Variants in DLGAP4 observed in about 807,000 individuals in gnomAD.
DLGAP4 encodes the protein disks large-associated protein 4.
A neutral mutation model predicts 86.9 loss-of-function variants in DLGAP4; 18 were observed. That is an observed-to-expected ratio of 0.21 (90% CI 0.14 to 0.31). The LOEUF is 0.31. Ranked by LOEUF, DLGAP4 falls within the 10% of genes least tolerant of loss-of-function variation. The pLI, the probability that DLGAP4 is intolerant of heterozygous loss-of-function variation, is 1.00. For synonymous variants in DLGAP4, 548 were observed against 574.3 expected (o/e 0.95, Z 0.65); for missense variants, 1,085 against 1,362.6 (o/e 0.80, Z 3.21).
At chr20:36,490,247 G>C (rs541142883) in intron 7 of DLGAP4, among the ~76,000 whole-genome samples, 1 of 152,316 alleles carries the variant, frequency 6.6e-6, no homozygotes, top group African/African-American at 2.4e-5. Flanking sequence ...TGTCAACAGA[G>C]AAGTGGCTTT....
At chr20:36,445,277 G>A (rs939689396) in intron 6 of DLGAP4, among the ~76,000 whole-genome samples, 8 of 152,124 alleles carry the variant, frequency 5.3e-5, no homozygotes, top group Non-Finnish European at 8.8e-5. Context: ...AGGCCGAGGC[G>A]GGCAGATCAC....
chr20:36,440,341 A>G (rs1394529540), intron 5 of DLGAP4, among the ~76,000 whole-genome samples: 1 of 152,134 alleles, frequency 6.6e-6, no homozygotes, highest in African/African-American at 2.4e-5. Context: ...AGCAGAGGGT[A>G]GCTGCCTTCC....
intron 7 of DLGAP4, among the ~76,000 whole-genome samples, chr20:36,471,015 A>G (rs2034637714): frequency 6.6e-6 from 1 of 152,018 alleles, no homozygotes; most frequent in African/African-American, 2.4e-5. Flanking sequence ...ACTCTTTCCA[A>G]GAGTCTGTGC....
chr20:36,392,378 G>T lies in DLGAP4; in HGVS notation c.-73+25103G>T, dbSNP rs143188330. Among the ~76,000 whole-genome samples, 3 of 152,156 alleles carry T rather than the reference G, an allele frequency of 2.0e-5. No individual in the cohort carries two copies. The South Asian group carries it at 6.2e-4, about 32-fold the overall frequency. ...TTTGTTGTTTGTTTGCTTGTTTTGG[G>T]GGGTATTTTTTGAGACAGAATCTCG... On this transcript the variant is annotated intron_variant, in intron 2 of 12. Coordinates refer to ENST00000339266, the MANE Select transcript of DLGAP4 (RefSeq NM_001365621.2).
At chr20:36,461,050 C>T (rs1600563807) in intron 7 of DLGAP4, among the ~76,000 whole-genome samples, 3 of 152,206 alleles carry the variant, frequency 2.0e-5, no homozygotes, top group Admixed American at 2.0e-4. Flanking sequence ...CCACCTCGGG[C>T]AGCTTCCTCG....
intron 10 of DLGAP4, among the ~76,000 whole-genome samples, chr20:36,512,104 G>A (rs1235366973): frequency 7.1e-6 from 1 of 141,360 alleles, no homozygotes; most frequent in Admixed American, 7.3e-5. Flanking sequence ...AGGCTAGAGT[G>A]CAGTGGCGTG....
chr20:36,502,847 C>T (rs375946385), intron 10 of DLGAP4, among the ~76,000 whole-genome samples: 1 of 151,246 alleles, frequency 6.6e-6, no homozygotes, highest in East Asian at 2.0e-4. Context: ...CCTCAGCCTC[C>T]CGAGTAGCTG....
At chr20:36,351,320 G>C (rs1438375111) in intron 1 of DLGAP4, among the ~76,000 whole-genome samples, 1 of 152,202 alleles carries the variant, frequency 6.6e-6, no homozygotes, top group Non-Finnish European at 1.5e-5. Context: ...TTAGGAACTG[G>C]GCTGCACAGC....
At chr20:36,310,215 A>T (rs2065041879) in intron 1 of DLGAP4, among the ~76,000 whole-genome samples, 1 of 120,172 alleles carries the variant, frequency 8.3e-6, no homozygotes, top group Non-Finnish European at 1.6e-5. Flanking sequence ...AAAGAAAGAA[A>T]GAAAGAAAGA....
At chr20:36,349,513 G>A (rs1302132794) in intron 1 of DLGAP4, among the ~76,000 whole-genome samples, 3 of 151,882 alleles carry the variant, frequency 2.0e-5, no homozygotes, top group Non-Finnish European at 4.4e-5. Context: ...CCTGAATGAA[G>A]TAAGGGACAA....
chr20:36,466,460 G>A lies in DLGAP4; in HGVS notation c.1648+19523G>A, dbSNP rs565504999. Among the ~76,000 whole-genome samples, 78 of 152,290 alleles carry A rather than the reference G, an allele frequency of 5.1e-4. 1 individual carries two copies. In the South Asian group the frequency reaches 0.011, roughly 21 times the overall value. On this transcript the variant is annotated intron_variant, in intron 7 of 12. Coordinates refer to ENST00000339266, the MANE Select transcript of DLGAP4 (RefSeq NM_001365621.2). The stretch of plus-strand genomic sequence containing the variant: ...CTGTCAAGTCAGACTGGGCCAGGGT[G>A]CAGGCTGTGGAATTGAACACCTGAG...
At chr20:36,419,268 G>A (rs924306342) in intron 2 of DLGAP4, among the ~76,000 whole-genome samples, 3 of 151,884 alleles carry the variant, frequency 2.0e-5, no homozygotes. Context: ...GACTACAGCT[G>A]CGTGCCACCA....
intron 2 of DLGAP4, among the ~76,000 whole-genome samples, chr20:36,401,630 G>C (rs1056244141): frequency 6.6e-6 from 1 of 152,358 alleles, no homozygotes; most frequent in African/African-American, 2.4e-5. Flanking sequence ...CGTGGTTAGC[G>C]TTGGGGACAC....
intron 2 of DLGAP4, among the ~76,000 whole-genome samples, chr20:36,418,402 C>T (rs570883302): frequency 3.9e-5 from 6 of 152,174 alleles, no homozygotes; most frequent in African/African-American, 9.7e-5. Flanking sequence ...TGTGAGCCAC[C>T]GTGCCTGGCC....
chr20:36,457,689 G>A (rs1258264791), intron 7 of DLGAP4, among the ~76,000 whole-genome samples: 1 of 151,736 alleles, frequency 6.6e-6, no homozygotes, highest in Non-Finnish European at 1.5e-5. Context: ...CCAATTTTCT[G>A]TATTTTTAGT....
At chr20:36,348,297 C>T (rs1285788263) in intron 1 of DLGAP4, among the ~76,000 whole-genome samples, 1 of 152,202 alleles carries the variant, frequency 6.6e-6, no homozygotes, top group Non-Finnish European at 1.5e-5. Context: ...GGTCATTACT[C>T]TTCATTCATT....
At chr20:36,357,204 A>G (rs1317306958) in intron 1 of DLGAP4, among the ~76,000 whole-genome samples, 1 of 151,810 alleles carries the variant, frequency 6.6e-6, no homozygotes, top group African/African-American at 2.4e-5. Flanking sequence ...GTCCTCCCCC[A>G]GAGCACACAG....
chr20:36,497,455 G>A (rs2035936265), intron 8 of DLGAP4: 7 of 1,049,692 alleles, frequency 6.7e-6, no homozygotes, highest in Non-Finnish European at 8.1e-6. Flanking sequence ...AGGTCAGCTC[G>A]GGTGCGGAGG....
chr20:36,434,985 ATG>A (rs1194232078), intron 3 of DLGAP4, among the ~76,000 whole-genome samples: 1 of 151,740 alleles, frequency 6.6e-6, no homozygotes, highest in Non-Finnish European at 1.5e-5. Flanking sequence ...ACACGTTGAG[ATG>A]TGTGTCCACA....
Sources: allele counts gnomAD v4.1 joint callset (sites outside exome capture counted in the v4.1 genomes callset), GRCh38; gene constraint gnomAD v4.1.1; transcripts MANE v1.5; gene names NCBI Gene and HGNC (gene_info 2026-07-23, HGNC 2026-07-21).